The following ABI1 variants were observed in gnomAD, a reference collection of about 807,000 sequenced individuals.
ABI1 encodes Abelson interactor 1.
ABI1 carries 14 observed loss-of-function variants against 54.6 expected under a neutral mutation model. The ratio of observed to expected loss-of-function variants is 0.26; its 90% CI spans 0.17 to 0.40. ABI1 has a LOEUF of 0.40. Ranked by LOEUF, ABI1 falls within the 10% of genes least tolerant of loss-of-function variation. The pLI is 1.00. For synonymous variants in ABI1, 194 were observed against 209.3 expected, an observed-to-expected ratio of 0.93 and a Z score of 0.63; for missense variants, 443 against 598.3, an observed-to-expected ratio of 0.74 and a Z score of 2.71.
intron 1 of ABI1, among the ~76,000 whole-genome samples, chr10:26,844,319 TTCTC>T (rs1378420997): frequency 1.3e-5 from 2 of 152,328 alleles, no homozygotes; most frequent in South Asian, 2.1e-4. Flanking sequence ...TTCCTTAGAA[TTCTC>T]TCTAAAAGTT....
intron 2 of ABI1, among the ~76,000 whole-genome samples, chr10:26,799,163 CT>C (rs1037178361): frequency 2.6e-5 from 4 of 151,810 alleles, no homozygotes; most frequent in African/African-American, 9.7e-5. Context: ...ATTTTTTTAG[CT>C]TTTTTCCAGT....
chr10:26,835,023 A>C (rs550736587), intron 1 of ABI1, among the ~76,000 whole-genome samples: 72 of 149,610 alleles, frequency 4.8e-4, no homozygotes, highest in African/African-American at 1.6e-3. Context: ...CAATCACCTG[A>C]ACCGAGAGGC....
At chr10:26,777,921 G>A (rs1841629214) in intron 2 of ABI1, among the ~76,000 whole-genome samples, 1 of 152,150 alleles carries the variant, frequency 6.6e-6, no homozygotes, top group Non-Finnish European at 1.5e-5. Flanking sequence ...GTGCTATAAT[G>A]ACATATGCAC....
chr10:26,837,565 G>A (rs992063925), intron 1 of ABI1, among the ~76,000 whole-genome samples: 7 of 151,994 alleles, frequency 4.6e-5, no homozygotes, highest in South Asian at 2.1e-4. Flanking sequence ...AATACTTGAC[G>A]GCAATACTGT....
At chr10:26,787,329 T>A (rs992542007) in intron 2 of ABI1, among the ~76,000 whole-genome samples, 5 of 152,142 alleles carry the variant, frequency 3.3e-5, no homozygotes, top group African/African-American at 1.2e-4. Flanking sequence ...AGGGAAAAAT[T>A]AATTCAAAAT....
chr10:26,839,653 A>T, intron 1 of ABI1: 2 of 494,786 alleles, frequency 4.0e-6, no homozygotes, highest in Non-Finnish European at 7.2e-6. Context: ...CTTCTGTTTA[A>T]AAAAAAAAAA....
chr10:26,834,067 T>TA (rs1317844914), intron 1 of ABI1, among the ~76,000 whole-genome samples: 9 of 151,798 alleles, frequency 5.9e-5, no homozygotes, highest in Non-Finnish European at 1.0e-4. Flanking sequence ...CCAGCTCTGC[T>TA]AAAAAAACAA....
At position 26,769,955 on chromosome 10, in the gene ABI1, AAAAC is replaced by A. The variant is rs377630030; in HGVS notation, c.578+286_578+289del. Reference sequence around the variant, plus strand: ...TTGGAATACTCTAATCATTCCATTTAAAACAAACAAGTCAGATTTATATTTTTTA... The same window carrying A: ...TTGGAATACTCTAATCATTCCATTTAAAACAAGTCAGATTTATATTTTTTA... On this transcript the variant is annotated intron_variant, in intron 5 of 10. Transcript: ENST00000376140. Among the ~76,000 whole-genome samples the A allele has an allele frequency of 6.6e-4, 100 of 152,370 alleles. 1 individual carries two copies. Among genetic ancestry groups the A allele is most frequent in the African/African-American group, 2.3e-3 (97 of 41,594 alleles).
At chr10:26,846,952 C>T (rs1315382413) in intron 1 of ABI1, among the ~76,000 whole-genome samples, 1 of 152,152 alleles carries the variant, frequency 6.6e-6, no homozygotes, top group African/African-American at 2.4e-5. Context: ...CTGATGTATA[C>T]TTTCATGTCA....
chr10:26,755,837 A>G lies in ABI1; in HGVS notation c.998-96T>C, dbSNP rs116007967. On this transcript the variant is annotated intron_variant, in intron 8 of 10. Transcript: ENST00000376140. The stretch of plus-strand genomic sequence containing the variant: ...GAAGTCAGTTACAAGGACCACAAAC[A>G]TAAGTATGCAAAGAACAGTTTGCAA... 3.0e-3 allele frequency: 2,356 copies of G among 782,544 alleles called. 32 individuals carry two copies. The African/African-American group carries it at 0.034, about 11-fold the overall frequency. The allele number at this position is 782,544 out of a possible 1,614,324, so 48.5% of individuals were successfully genotyped here. A position where few individuals can be genotyped will look rare whatever the true frequency, so the allele number is the denominator to read the frequency against.
At chr10:26,814,958 T>C (rs539015058) in intron 2 of ABI1, among the ~76,000 whole-genome samples, 2 of 152,234 alleles carry the variant, frequency 1.3e-5, no homozygotes, top group South Asian at 4.1e-4. Context: ...ATTCTAAATT[T>C]TGAGATTATG....
chr10:26,843,656 TGA>T (rs2049758295), intron 1 of ABI1, among the ~76,000 whole-genome samples: 1 of 151,246 alleles, frequency 6.6e-6, no homozygotes, highest in Non-Finnish European at 1.5e-5. Flanking sequence ...AAAGCAAAAA[TGA>T]GAGTGGCAGG....
chr10:26,771,359 A>C (rs1588822916), intron 3 of ABI1, among the ~76,000 whole-genome samples: 1 of 152,208 alleles, frequency 6.6e-6, no homozygotes, highest in African/African-American at 2.4e-5. Context: ...TTTTTAAGTC[A>C]GTATTTTGTC....
chr10:26,760,253 C>T (rs1005214194), intron 7 of ABI1, among the ~76,000 whole-genome samples: 6 of 152,024 alleles, frequency 3.9e-5, no homozygotes, highest in Admixed American at 3.9e-4. Context: ...CTATACTTTC[C>T]AAAGTTAACT....
At chr10:26,817,558 G>C (rs992896023) in intron 2 of ABI1, among the ~76,000 whole-genome samples, 1 of 152,024 alleles carries the variant, frequency 6.6e-6, no homozygotes, top group Admixed American at 6.6e-5. Flanking sequence ...GATCACTTGC[G>C]GATGGAGAGT....
intron 2 of ABI1, among the ~76,000 whole-genome samples, chr10:26,809,877 T>C (rs991079479): frequency 2.0e-5 from 3 of 152,176 alleles, no homozygotes; most frequent in Non-Finnish European, 2.9e-5. Flanking sequence ...GAAGAGGGCA[T>C]GGAAGCTCTA....
chr10:26,767,528 T>C (rs1015157601), intron 6 of ABI1, among the ~76,000 whole-genome samples: 2 of 152,140 alleles, frequency 1.3e-5, no homozygotes, highest in Non-Finnish European at 2.9e-5. Context: ...GAAGTGGCTA[T>C]ATTTTGGGGG....
At chr10:26,777,038 CTTG>C (rs1331425888) in intron 3 of ABI1, 24 bp downstream of exon 3, 3 of 1,518,372 alleles carry the variant, frequency 2.0e-6, no homozygotes, top group Non-Finnish European at 2.6e-6. Flanking sequence ...TGCAAATTAG[CTTG>C]TTAATGTAAT....
Position 26,860,788 on chromosome 10 carries a change from G to A in ABI1, c.76C>T (p.Leu26=), listed in dbSNP as rs1159235773. 2.5e-6 allele frequency: 4 copies of A among 1,614,142 alleles called. No homozygotes were observed. Among genetic ancestry groups the A allele is most frequent in the Admixed American group, 1.7e-5 (1 of 60,020 alleles). Reference sequence around the variant, plus strand: ...TCACAGTAGTCTGCCACCCGAGTCAGGTTCTGGTAACTCTCGATCAGCGCC... The same window carrying A: ...TCACAGTAGTCTGCCACCCGAGTCAAGTTCTGGTAACTCTCGATCAGCGCC... ...KRALIESYQN[L]TRVADYCENN... Residue 26 remains leucine, a synonymous_variant, in exon 1 of 11, where the codon CTG becomes TTG. Coordinates refer to ENST00000376140, the MANE Select transcript of ABI1 (RefSeq NM_001012750.3). This position sits in a 1 kb window ranked among gnomAD's most constrained non-coding sequence, Gnocchi z 4.1.
Sources: allele counts gnomAD v4.1 joint callset (sites outside exome capture counted in the v4.1 genomes callset), GRCh38; gene constraint gnomAD v4.1.1; non-coding constraint Gnocchi (gnomAD v3.1); transcripts MANE v1.5; gene names NCBI Gene and HGNC (gene_info 2026-07-23, HGNC 2026-07-21).